Variants in DDX46 observed in about 807,000 individuals in gnomAD.
DDX46 encodes DEAD-box helicase 46, also known as probable ATP-dependent RNA helicase DDX46.
DDX46 carries 30 observed loss-of-function variants against 134.9 expected under a neutral mutation model. The ratio of observed to expected loss-of-function variants is 0.22; its 90% CI spans 0.17 to 0.30. DDX46 has a LOEUF of 0.30. DDX46 is among the 10% of genes least tolerant of loss of function. The pLI, the probability that DDX46 is intolerant of heterozygous loss-of-function variation, is 1.00. For synonymous variants in DDX46, 415 were observed against 404.1 expected, an observed-to-expected ratio of 1.03 and a Z score of -0.32; for missense variants, 622 against 1,248.7, an observed-to-expected ratio of 0.50 and a Z score of 7.56.
chr5:134,823,042 A>G (rs1283514338), intron 21 of DDX46, among the ~76,000 whole-genome samples: 1 of 152,078 alleles, frequency 6.6e-6, no homozygotes, highest in Admixed American at 6.5e-5. Context: ...TCCTCATTCA[A>G]GTAATCTAGG....
intron 2 of DDX46, among the ~76,000 whole-genome samples, chr5:134,766,351 A>G (rs1753567107): frequency 6.6e-6 from 1 of 152,122 alleles, no homozygotes; most frequent in African/African-American, 2.4e-5. Flanking sequence ...TGCGGTTGGG[A>G]GTTCGAGACC....
chr5:134,769,707 C>T (rs1036259013), intron 3 of DDX46, among the ~76,000 whole-genome samples: 4 of 151,826 alleles, frequency 2.6e-5, no homozygotes, highest in Non-Finnish European at 5.9e-5. Context: ...CCACCAAGCC[C>T]GGCTAATTTT....
At chr5:134,767,271 A>G (rs1050399762) in intron 3 of DDX46, among the ~76,000 whole-genome samples, 2 of 152,314 alleles carry the variant, frequency 1.3e-5, no homozygotes, top group African/African-American at 4.8e-5. Context: ...TTAACATTCA[A>G]TACATTGTAT....
intron 6 of DDX46, among the ~76,000 whole-genome samples, chr5:134,780,434 G>A (rs1754110120): frequency 6.7e-6 from 1 of 149,920 alleles, no homozygotes; most frequent in Non-Finnish European, 1.5e-5. Context: ...ACTAGTGGCG[G>A]GTGCCTGTAA....
At chr5:134,784,289 T>C in intron 9 of DDX46, 77 bp from the exon 10 acceptor site, 1 of 1,466,238 alleles carries the variant, frequency 6.8e-7, no homozygotes, top group Non-Finnish European at 9.1e-7. Context: ...AGTTCATTTT[T>C]ATGGGAACAC....
At chr5:134,785,682 G>A in intron 11 of DDX46, 96 bp downstream of exon 11, 1 of 1,382,596 alleles carries the variant, frequency 7.2e-7, no homozygotes, top group Non-Finnish European at 9.7e-7. Flanking sequence ...TTTTTGAATA[G>A]TGATTGCTTC....
At chr5:134,803,540 A>G (rs1377809035) in intron 15 of DDX46, among the ~76,000 whole-genome samples, 1 of 152,168 alleles carries the variant, frequency 6.6e-6, no homozygotes, top group Non-Finnish European at 1.5e-5. Flanking sequence ...TGGTCTGTGC[A>G]CGGCCTGCCC....
intron 16 of DDX46, among the ~76,000 whole-genome samples, chr5:134,809,749 C>CT (rs1301782916): frequency 6.6e-6 from 1 of 152,040 alleles, no homozygotes; most frequent in Admixed American, 6.5e-5. Flanking sequence ...TGGCTCACGC[C>CT]TGTAATCCCA....
intron 21 of DDX46, 91 bp from the exon 22 acceptor site, chr5:134,826,856 C>T: frequency 1.6e-6 from 2 of 1,289,760 alleles, no homozygotes; most frequent in Non-Finnish European, 2.1e-6. Context: ...CTGAAAGTCA[C>T]CTACAGTGTT....
At chr5:134,820,603 G>A (rs1755415820) in intron 21 of DDX46, among the ~76,000 whole-genome samples, 2 of 152,108 alleles carry the variant, frequency 1.3e-5, no homozygotes, top group Admixed American at 1.3e-4. Context: ...TGATTGTACT[G>A]TCTCCATTTG....
At chr5:134,816,737 A>G (rs527447791) in intron 19 of DDX46, 131 bp downstream of exon 19, 100 of 918,492 alleles carry the variant, frequency 1.1e-4, no homozygotes, top group Admixed American at 2.4e-4. Context: ...AACATTCTCA[A>G]TACAGAATTT....
chr5:134,805,947 G>A (rs1754973519), intron 15 of DDX46, among the ~76,000 whole-genome samples: 1 of 152,104 alleles, frequency 6.6e-6, no homozygotes, highest in South Asian at 2.1e-4. Flanking sequence ...GGCCAGGCCT[G>A]GTGGCTCATG....
chr5:134,769,540 TG>T (rs1351251507), intron 3 of DDX46, among the ~76,000 whole-genome samples: 39 of 148,594 alleles, frequency 2.6e-4, no homozygotes, highest in African/African-American at 6.0e-4. Context: ...TTTTTTTGTT[TG>T]TTTTTTTTTT....
intron 18 of DDX46, among the ~76,000 whole-genome samples, chr5:134,815,706 C>CA (rs374562980): frequency 0.45 from 12,928 of 28,496 alleles, 3,987 homozygotes; most frequent in East Asian, 0.7. Flanking sequence ...GACTCTGTCT[C>CA]AAAAAAAAAA....
chr5:134,774,396 C>T (rs1007651968), intron 5 of DDX46, among the ~76,000 whole-genome samples: 2 of 152,078 alleles, frequency 1.3e-5, no homozygotes, highest in African/African-American at 2.4e-5. Flanking sequence ...CTTTTGTTAT[C>T]GTGAGTAATG....
Position 134,777,557 on chromosome 5 carries a change from G to GTATTC in DDX46, c.614-15_614-11dup. The GTATTC allele has an allele frequency of 6.2e-7, 1 of 1,611,950 alleles. No homozygotes were observed. The highest frequency in any genetic ancestry group is 2.2e-5 in the East Asian group (1 of 44,848). ...TTTTAAACAGATGTTTAAAGAATGT[G>GTATTC]TATTCTGGTATTTTAGATGACGAAG... On this transcript the variant is annotated splice_polypyrimidine_tract_variant and intron_variant, in intron 5 of 22. Coordinates refer to ENST00000452510, the MANE Select transcript of DDX46 (RefSeq NM_001300860.2).
intron 1 of DDX46, among the ~76,000 whole-genome samples, chr5:134,761,825 A>G (rs752866925): frequency 2.0e-5 from 3 of 152,012 alleles, no homozygotes; most frequent in Non-Finnish European, 4.4e-5. Context: ...TCCACCTTCC[A>G]TTTTGATCTA....
chr5:134,826,168 C>G (rs1755586092), intron 21 of DDX46: 1 of 152,256 alleles, frequency 6.6e-6, no homozygotes, highest in South Asian at 2.1e-4. Flanking sequence ...GAACTACTTC[C>G]TTTTCATCCT....
At chr5:134,769,497 AT>A (rs1753690192) in intron 3 of DDX46, among the ~76,000 whole-genome samples, 1 of 130,752 alleles carries the variant, frequency 7.6e-6, no homozygotes, top group African/African-American at 2.9e-5. Context: ...TACCCAGCTG[AT>A]TTTTGTATTT....
Sources: allele counts gnomAD v4.1 joint callset (sites outside exome capture counted in the v4.1 genomes callset), GRCh38; gene constraint gnomAD v4.1.1; transcripts MANE v1.5; gene names NCBI Gene and HGNC (gene_info 2026-07-23, HGNC 2026-07-21).